Variants in TRIM22 observed in about 807,000 individuals in gnomAD.
The protein encoded by TRIM22 is E3 ubiquitin-protein ligase TRIM22.
TRIM22 carries 45 observed loss-of-function variants against 53.6 expected under a neutral mutation model. That is an observed-to-expected ratio of 0.84 (90% CI 0.66 to 1.08). The LOEUF (loss-of-function observed/expected upper bound fraction) is 1.08. Ranked by LOEUF, TRIM22 falls within the 50% of genes least tolerant of loss-of-function variation. The pLI, the probability that TRIM22 is intolerant of heterozygous loss-of-function variation, is 0.00. For missense variants in TRIM22, 616 were observed against 590.9 expected (o/e 1.04, Z -0.44); for synonymous variants, 225 against 216.6 (o/e 1.04, Z -0.34).
At chr11:5,708,478 C>T in intron 6 of TRIM22, 99 bp from the exon 7 acceptor site, 3 of 1,222,326 alleles carry the variant, frequency 2.5e-6, no homozygotes, top group Non-Finnish European at 3.5e-6. Context: ...CAAAGAATCC[C>T]AGTATTCCCC....
chr11:5,690,024 G>T (rs1417049405), intron 1 of TRIM22, 125 bp downstream of exon 1: 1 of 152,288 alleles, frequency 6.6e-6, no homozygotes, highest in African/African-American at 2.4e-5. Flanking sequence ...GGCAGCTTGT[G>T]AACTGTCTGC....
intron 3 of TRIM22, 23 bp downstream of exon 3, chr11:5,697,366 GGATAAT>G: frequency 6.4e-7 from 1 of 1,573,734 alleles, no homozygotes; most frequent in Non-Finnish European, 8.7e-7. Context: ...ACCTCCTAAG[GGATAAT>G]TAGACAGGAA....
At chr11:5,696,698 T>C (rs1201974456) in intron 2 of TRIM22, 43 bp downstream of exon 2, 1 of 1,548,966 alleles carries the variant, frequency 6.5e-7, no homozygotes, top group Non-Finnish European at 8.7e-7. Context: ...GAGCAGAAGA[T>C]GGTACCTAAT....
At chr11:5,703,398 T>A (rs1853403976) in intron 4 of TRIM22, among the ~76,000 whole-genome samples, 1 of 151,958 alleles carries the variant, frequency 6.6e-6, no homozygotes, top group Admixed American at 6.6e-5. Flanking sequence ...TTTTCTTTTT[T>A]TTTTTGAGAT....
intron 4 of TRIM22, among the ~76,000 whole-genome samples, chr11:5,700,580 G>A (rs1564941670): frequency 2.6e-5 from 1 of 38,930 alleles, no homozygotes; most frequent in Non-Finnish European, 4.8e-5. Flanking sequence ...TTAGCTATAG[G>A]AGTCTTTTTT....
intron 1 of TRIM22, among the ~76,000 whole-genome samples, chr11:5,693,058 A>G (rs897084197): frequency 4.0e-5 from 6 of 150,788 alleles, no homozygotes; most frequent in African/African-American, 1.5e-4. Flanking sequence ...GTATATATAT[A>G]TATTTTTTAG....
chr11:5,702,623 C>T (rs117350827), intron 4 of TRIM22, among the ~76,000 whole-genome samples: 2,622 of 151,974 alleles, frequency 0.017, 32 homozygotes, highest in Non-Finnish European at 0.027. Context: ...TCTTGAGTAA[C>T]GTTGCTGTCA....
At chr11:5,693,000 A>G (rs11038738) in intron 1 of TRIM22, among the ~76,000 whole-genome samples, 122,707 of 150,830 alleles carry the variant, frequency 0.81, 51,004 homozygotes, top group Non-Finnish European at 0.91. Flanking sequence ...CTCAGCCTCC[A>G]GAGTAGCGGG....
intron 4 of TRIM22, among the ~76,000 whole-genome samples, chr11:5,701,237 C>A (rs900659617): frequency 1.3e-5 from 2 of 152,118 alleles, no homozygotes; most frequent in African/African-American, 4.8e-5. Context: ...CAAAATAGTC[C>A]ATCTCCTTTC....
intron 1 of TRIM22, among the ~76,000 whole-genome samples, chr11:5,695,135 G>A (rs1853236277): frequency 6.6e-6 from 1 of 152,162 alleles, no homozygotes; most frequent in South Asian, 2.1e-4. Context: ...GGAGGAAGAA[G>A]TAGACATTTA....
intron 2 of TRIM22, 90 bp downstream of exon 2, chr11:5,696,745 CT>C (rs1324608696): frequency 5.8e-6 from 8 of 1,374,342 alleles, no homozygotes; most frequent in African/African-American, 4.3e-5. Context: ...CTTTATTCCC[CT>C]TGTCACCATA....
Position 5,696,261 on chromosome 11 carries a change from A to T in TRIM22, c.29A>T (p.Glu10Val), listed in dbSNP as rs530917609. 2.5e-6 allele frequency: 4 copies of T among 1,613,088 alleles called. No homozygotes were observed. Among genetic ancestry groups the T allele is most frequent in the Non-Finnish European group, 3.4e-6 (4 of 1,179,432 alleles). Reference protein sequence around the residue: MDFSVKVDIEKEVTCPICLE... With the variant: MDFSVKVDIVKEVTCPICLE... Reference sequence around the variant, plus strand: ...GATTTCTCAGTAAAGGTAGACATAGAGAAGGAGGTGACCTGCCCCATCTGC... The same window carrying T: ...GATTTCTCAGTAAAGGTAGACATAGTGAAGGAGGTGACCTGCCCCATCTGC... The change falls in exon 2 of 8, where the codon GAG (glutamate) becomes GTG (valine). Residue 10 changes from glutamate (E) to valine (V), a missense_variant. Transcript: ENST00000379965.
chr11:5,696,414 C>A lies in TRIM22; in HGVS notation c.182C>A (p.Thr61Asn), dbSNP rs192306924. ...RGESSCPVCQ[T>N]RFQPGNLRPN... ...GAAAGCAGCTGTCCTGTGTGTCAGA[C>A]CAGATTCCAGCCTGGGAACCTCCGA... The change falls in exon 2 of 8, where the codon ACC (threonine) becomes AAC (asparagine). Residue 61 changes from threonine (T) to asparagine (N), a missense_variant. Coordinates refer to ENST00000379965, the MANE Select transcript of TRIM22 (RefSeq NM_006074.5). 6.7e-4 allele frequency: 1,089 copies of A among 1,614,234 alleles called. 7 individuals are homozygous for A. The Middle Eastern group carries it at 0.018, about 26-fold the overall frequency.
intron 1 of TRIM22, among the ~76,000 whole-genome samples, chr11:5,693,517 G>A (rs1209273114): frequency 6.6e-6 from 1 of 151,678 alleles, no homozygotes; most frequent in Non-Finnish European, 1.5e-5. Context: ...TCCGGAGATC[G>A]AGACCATCCT....
chr11:5,693,189 C>CT (rs55820335), intron 1 of TRIM22, among the ~76,000 whole-genome samples: 34,983 of 124,910 alleles, frequency 0.28, 4,710 homozygotes, highest in Non-Finnish European at 0.3. Flanking sequence ...GCCTGGCCAT[C>CT]TTTTTTTTTT....
rs760738876 is a variant in TRIM22 at position 5,706,634 on chromosome 11, A to T, written c.773+18A>T. 1 of 1,601,120 alleles carries T rather than the reference A, an allele frequency of 6.2e-7. No homozygotes were observed. Among genetic ancestry groups the T allele is most frequent in the Non-Finnish European group, 8.5e-7 (1 of 1,171,740 alleles). ...ATGAAAAGGTATATGTGGAAGAGAGATGTGGTCTTATTTGTCTGAAAAGAG... is the reference window on the plus strand; with the variant it reads ...ATGAAAAGGTATATGTGGAAGAGAGTTGTGGTCTTATTTGTCTGAAAAGAG... On this transcript the variant is annotated intron_variant, in intron 5 of 7. Coordinates refer to ENST00000379965, the MANE Select transcript of TRIM22 (RefSeq NM_006074.5).
At chr11:5,693,398 A>T (rs569023520) in intron 1 of TRIM22, among the ~76,000 whole-genome samples, 6 of 151,734 alleles carry the variant, frequency 4.0e-5, no homozygotes, top group Non-Finnish European at 8.8e-5. Flanking sequence ...AAGGGTTTCA[A>T]TGGGGCTACA....
intron 4 of TRIM22, 42 bp from the exon 5 acceptor site, chr11:5,706,552 T>C: frequency 6.2e-7 from 1 of 1,605,582 alleles, no homozygotes; most frequent in Non-Finnish European, 8.5e-7. Context: ...GTTCTAAATC[T>C]GGCAACCCTA....
At chr11:5,697,965 A>G (rs908687080) in intron 3 of TRIM22, 16 of 221,012 alleles carry the variant, frequency 7.2e-5, no homozygotes, top group Non-Finnish European at 1.3e-4. Context: ...AGCCTCCCAA[A>G]GTGCTGGGAT....
Sources: allele counts gnomAD v4.1 joint callset (sites outside exome capture counted in the v4.1 genomes callset), GRCh38; gene constraint gnomAD v4.1.1; transcripts MANE v1.5; gene names NCBI Gene and HGNC (gene_info 2026-07-23, HGNC 2026-07-21).